The following ANK3 variants were observed in gnomAD, a reference collection of about 807,000 sequenced individuals.
The protein encoded by ANK3 is ankyrin 3.
Under a neutral mutation model 370.9 loss-of-function variants are expected in ANK3, and 57 were observed. The ratio of observed to expected loss-of-function variants is 0.15; its 90% CI spans 0.12 to 0.19. The LOEUF is 0.19. Ranked by LOEUF, ANK3 falls within the 10% of genes least tolerant of loss-of-function variation. The pLI is 1.00. For missense variants in ANK3, 4,439 were observed against 5,302.1 expected (o/e 0.84, Z 5.06); for synonymous variants, 1,929 against 1,946.3 (o/e 0.99, Z 0.23).
chr10:60,126,104 G>C (rs753109260), intron 25 of ANK3, among the ~76,000 whole-genome samples: 41 of 152,154 alleles, frequency 2.7e-4, no homozygotes, highest in Non-Finnish European at 4.6e-4. Flanking sequence ...CAAACAGCCA[G>C]TGCAACTGTT....
chr10:60,501,588 C>G (rs1204705432), intron 2 of ANK3, among the ~76,000 whole-genome samples: 1 of 151,490 alleles, frequency 6.6e-6, no homozygotes, highest in South Asian at 2.1e-4. Flanking sequence ...ACCTGTAATG[C>G]CAGCTAGCTG....
At chr10:60,415,766 C>A (rs972018920) in intron 2 of ANK3, among the ~76,000 whole-genome samples, 1 of 152,056 alleles carries the variant, frequency 6.6e-6, no homozygotes, top group African/African-American at 2.4e-5. Context: ...ACCCAAGCAG[C>A]AAAGAAAATA....
At chr10:60,401,241 G>A (rs2063346884) in intron 2 of ANK3, among the ~76,000 whole-genome samples, 1 of 152,142 alleles carries the variant, frequency 6.6e-6, no homozygotes, top group Admixed American at 6.5e-5. Context: ...GGGAAATGGA[G>A]GTTACTAATC....
chr10:60,348,661 G>A (rs4948405), intron 1 of ANK3, among the ~76,000 whole-genome samples: 1 of 151,990 alleles, frequency 6.6e-6, no homozygotes, highest in Non-Finnish European at 1.5e-5. Flanking sequence ...ATTTGGTAGC[G>A]GCTAACAGCA....
At chr10:60,147,227 G>C (rs2094872897) in intron 23 of ANK3, among the ~76,000 whole-genome samples, 1 of 152,190 alleles carries the variant, frequency 6.6e-6, no homozygotes. Context: ...CCTTGCACTG[G>C]TGATGCTGCA....
intron 2 of ANK3, among the ~76,000 whole-genome samples, chr10:60,567,466 A>G (rs968556394): frequency 6.6e-6 from 1 of 152,100 alleles, no homozygotes; most frequent in Non-Finnish European, 1.5e-5. Flanking sequence ...GCCAGAAAAA[A>G]AATTTCTTTT....
intron 2 of ANK3, among the ~76,000 whole-genome samples, chr10:60,598,421 T>TA (rs1468826125): frequency 2.0e-5 from 3 of 152,216 alleles, no homozygotes; most frequent in African/African-American, 7.2e-5. Context: ...CTACTTTATC[T>TA]AAAAATATTA....
chr10:60,348,044 A>G (rs10821737), intron 1 of ANK3, among the ~76,000 whole-genome samples: 105,960 of 151,822 alleles, frequency 0.7, 38,241 homozygotes, highest in South Asian at 0.91. Flanking sequence ...CTTGCCTTGT[A>G]CTTGAAGTGT....
Position 60,055,998 on chromosome 10 carries a change from T to G in ANK3, c.12725A>C (p.Lys4242Thr), listed in dbSNP as rs759965221. The G allele has an allele frequency of 6.2e-7, 1 of 1,613,632 alleles. No individual in the cohort carries two copies. ...QCRDSITSYL[K>T]GEAGKFEANG... ...TGCTTCAAATTTGCCAGCTTCTCCT[T>G]TGAGATATGAGGTAATGGAATCTCT... Residue 4242 changes from lysine to threonine, a missense_variant, in exon 42 of 44, where the codon AAA becomes ACA. Transcript: ENST00000280772.
intron 2 of ANK3, among the ~76,000 whole-genome samples, chr10:60,400,528 A>G (rs1309567997): frequency 6.6e-6 from 1 of 152,200 alleles, no homozygotes; most frequent in Non-Finnish European, 1.5e-5. Flanking sequence ...CAAGGTGGCA[A>G]TAAAACCAGT....
At chr10:60,414,029 C>T (rs952417005) in intron 2 of ANK3, among the ~76,000 whole-genome samples, 4 of 152,008 alleles carry the variant, frequency 2.6e-5, no homozygotes, top group Non-Finnish European at 5.9e-5. Context: ...AACACTCTCT[C>T]AAATGCTCTG....
chr10:60,079,174 TACACACACACACACACACAC>T lies in ANK3; in HGVS notation c.4432+1343_4432+1362del, dbSNP rs58239281. Among the ~76,000 whole-genome samples, 176 of 113,842 alleles carry T rather than the reference TACACACACACACACACACAC, an allele frequency of 1.5e-3. 2 individuals are homozygous for T. The highest frequency in any genetic ancestry group is 4.3e-3 in the African/African-American group (124 of 28,904). The allele number at this position is 113,842 out of a possible 152,430, so 74.7% of individuals were successfully genotyped here. On this transcript the variant is annotated intron_variant, in intron 36 of 43. Coordinates refer to ENST00000280772, the MANE Select transcript of ANK3 (RefSeq NM_020987.5). The stretch of plus-strand genomic sequence containing the variant: ...ACTGGAAACCACCTAGCTACCTAGC[TACACACACACACACACACAC>T]ACACACACACACACACACACACACA...
At chr10:60,422,363 A>G (rs2063796814) in intron 2 of ANK3, among the ~76,000 whole-genome samples, 1 of 152,112 alleles carries the variant, frequency 6.6e-6, no homozygotes, top group East Asian at 1.9e-4. Context: ...ACATGTTATT[A>G]GCAATGTAAA....
chr10:60,682,300 G>T (rs972796800), intron 1 of ANK3, among the ~76,000 whole-genome samples: 2 of 152,092 alleles, frequency 1.3e-5, no homozygotes, highest in Non-Finnish European at 2.9e-5. Context: ...CCAGTGGAAG[G>T]CACGTGCAAC....
Position 60,055,746 on chromosome 10 carries a change from A to G in ANK3, c.12977T>C (p.Met4326Thr). 6.2e-7 allele frequency: 1 copy of G among 1,614,156 alleles called. No individual in the cohort carries two copies. The highest frequency in any genetic ancestry group is 8.5e-7 in the Non-Finnish European group (1 of 1,180,018). Reference sequence around the variant, plus strand: ...TGGAGAAGTCCTACTCATCTTTTTCATACTGACAGGCACACAGGGTTTAGT... The same window carrying G: ...TGGAGAAGTCCTACTCATCTTTTTCGTACTGACAGGCACACAGGGTTTAGT... Reference protein sequence around the residue: ...EETKPCVPVSMKKMSRTSPAD... With the variant: ...EETKPCVPVSTKKMSRTSPAD... Residue 4326 changes from methionine to threonine, a missense_variant, in exon 42 of 44, where the codon ATG becomes ACG. Met to Thr is a moderately conservative substitution (Grantham distance 81). Around this residue, in one of 13 missense-constraint regions of ANK3, gnomAD observed 242 missense variants for 228.0 expected, o/e 1.06. Coordinates refer to ENST00000280772, the MANE Select transcript of ANK3 (RefSeq NM_020987.5).
At chr10:60,315,400 C>T (rs1430038070) in intron 1 of ANK3, among the ~76,000 whole-genome samples, 1 of 152,046 alleles carries the variant, frequency 6.6e-6, no homozygotes, top group Admixed American at 6.6e-5. Flanking sequence ...CTGGTTAAAT[C>T]CAGTAAATGC....
intron 2 of ANK3, among the ~76,000 whole-genome samples, chr10:60,465,789 CTTT>C (rs1205787609): frequency 1.8e-5 from 2 of 109,702 alleles, no homozygotes; most frequent in East Asian, 2.5e-4. Context: ...TTTTTTCTTT[CTTT>C]TTTTTTTTTT....
At chr10:60,517,527 T>C (rs1054264146) in intron 2 of ANK3, among the ~76,000 whole-genome samples, 1 of 152,090 alleles carries the variant, frequency 6.6e-6, no homozygotes, top group African/African-American at 2.4e-5. Context: ...GTGTATGTAT[T>C]TATTACCTGC....
At chr10:60,207,067 C>T (rs1366903710) in intron 10 of ANK3, among the ~76,000 whole-genome samples, 4 of 152,200 alleles carry the variant, frequency 2.6e-5, no homozygotes, top group African/African-American at 9.6e-5. Flanking sequence ...CCTTTCCTCC[C>T]TTCTCAGAAT....
Sources: allele counts gnomAD v4.1 joint callset (sites outside exome capture counted in the v4.1 genomes callset), GRCh38; gene constraint gnomAD v4.1.1; regional missense constraint gnomAD v4.1.1; transcripts MANE v1.5; gene names NCBI Gene and HGNC (gene_info 2026-07-23, HGNC 2026-07-21).